ZNF84: variants seen among roughly 807,000 people sequenced by gnomAD.
ZNF84 encodes zinc finger protein HPF2.
Under a neutral mutation model 14.8 loss-of-function variants are expected in ZNF84, and 12 were observed. The observed-to-expected ratio is 0.81, with a 90% confidence interval of 0.52 to 1.31. The LOEUF is 1.31. Ranked by LOEUF, ZNF84 falls within the 50% of genes most tolerant of loss-of-function variation. The probability of loss-of-function intolerance (pLI) is 0.00; values close to 1 mark genes in which losing one functional copy is unlikely to be tolerated. For synonymous variants in ZNF84, 347 were observed against 291.1 expected, an observed-to-expected ratio of 1.19 and a Z score of -1.96; for missense variants, 859 against 878.6, an observed-to-expected ratio of 0.98 and a Z score of 0.28.
intron 4 of ZNF84, among the ~76,000 whole-genome samples, chr12:133,050,173 A>T (rs1259890287): frequency 6.6e-6 from 1 of 152,330 alleles, no homozygotes; most frequent in East Asian, 1.9e-4. Flanking sequence ...TGCTGGGGGC[A>T]TTAATGCCAG....
Position 133,058,417 on chromosome 12 carries a change from G to A in ZNF84, c.1702G>A (p.Glu568Lys), listed in dbSNP as rs1954199747. The A allele has an allele frequency of 1.9e-6, 3 of 1,613,926 alleles. No homozygotes were observed. The highest frequency in any genetic ancestry group is 1.3e-5 in the African/African-American group (1 of 74,878). ...LATHQRTHTG[E>K]KPYECRDCEK... ...AACTCATCAGAGAACTCATACTGGA[G>A]AAAAACCGTATGAATGCAGGGACTG... Residue 568 changes from glutamate to lysine, a missense_variant, in exon 5 of 5, where the codon GAA (glutamate) becomes AAA (lysine). Coordinates refer to ENST00000539354, the MANE Select transcript of ZNF84 (RefSeq NM_001289971.2).
At chr12:133,039,768 A>G (rs1953853692) in intron 1 of ZNF84, among the ~76,000 whole-genome samples, 1 of 152,198 alleles carries the variant, frequency 6.6e-6, no homozygotes, top group Non-Finnish European at 1.5e-5. Context: ...CTTTGAAGGC[A>G]AGAAAGGAGG....
chr12:133,053,739 T>G (rs1348784157), intron 4 of ZNF84, among the ~76,000 whole-genome samples: 2 of 152,084 alleles, frequency 1.3e-5, no homozygotes, highest in Admixed American at 6.5e-5. Flanking sequence ...CAATACCCTG[T>G]CTCAAAAAAC....
At chr12:133,043,809 A>T (rs925497650) in intron 2 of ZNF84, among the ~76,000 whole-genome samples, 11 of 152,106 alleles carry the variant, frequency 7.2e-5, no homozygotes, top group Admixed American at 3.3e-4. Flanking sequence ...GCTGGAGTGC[A>T]GTGGCACAGT....
rs601679 is a variant in ZNF84, at chr12:133,059,027, T to A, written c.*95T>A. On this transcript the variant is annotated 3_prime_UTR_variant, in exon 5 of 5. Coordinates refer to ENST00000539354, the MANE Select transcript of ZNF84 (RefSeq NM_001289971.2). ...TAGACAGTCACGTCATGTTAGGTGT[T>A]TGTACTCCATGAGGATGAGAACTCT... 8.2e-7 allele frequency: 1 copy of A among 1,217,186 alleles called. No homozygotes were observed. The highest frequency in any genetic ancestry group is 1.5e-5 in the African/African-American group (1 of 66,184). 75.4% of individuals were successfully genotyped at this position (1,217,186 alleles called of 1,614,324 possible).
intron 1 of ZNF84, chr12:133,037,753 C>T (rs9668817): frequency 0.45 from 68,584 of 152,128 alleles, 16,079 homozygotes; most frequent in African/African-American, 0.57. Context: ...GGGGCGGGCA[C>T]GGCCTTTCCG....
chr12:133,045,135 G>C (rs1025285051), intron 2 of ZNF84, among the ~76,000 whole-genome samples: 3 of 151,890 alleles, frequency 2.0e-5, no homozygotes, highest in Non-Finnish European at 4.4e-5. Context: ...TGACATTTTT[G>C]GTCAATTCCT....
chr12:133,039,413 C>T (rs1364061987), intron 1 of ZNF84, among the ~76,000 whole-genome samples: 1 of 152,262 alleles, frequency 6.6e-6, no homozygotes, highest in East Asian at 1.9e-4. Context: ...GCACAAATGA[C>T]AATATGACTT....
At chr12:133,041,063 A>G (rs1953878098) in intron 1 of ZNF84, 3 of 197,152 alleles carry the variant, frequency 1.5e-5, no homozygotes, top group African/African-American at 2.3e-5. Context: ...GAATCTCACA[A>G]TTACTTTATT....
chr12:133,043,141 G>T (rs1335929932), intron 2 of ZNF84, among the ~76,000 whole-genome samples: 2 of 152,078 alleles, frequency 1.3e-5, no homozygotes, highest in Admixed American at 1.3e-4. Context: ...CACTGCAATT[G>T]CAACTGCAGT....
intron 4 of ZNF84, among the ~76,000 whole-genome samples, chr12:133,049,299 AT>A (rs1954035789): frequency 6.6e-6 from 1 of 151,724 alleles, no homozygotes; most frequent in Non-Finnish European, 1.5e-5. Flanking sequence ...AAGCATCTTG[AT>A]TTTGTCTTCA....
chr12:133,042,681 C>A (rs1166065036), intron 2 of ZNF84, among the ~76,000 whole-genome samples: 12 of 152,188 alleles, frequency 7.9e-5, no homozygotes, highest in Admixed American at 6.5e-4. Flanking sequence ...ATGAACCTTA[C>A]GGCATTTTTC....
At chr12:133,056,379 G>A (rs778747088) in intron 4 of ZNF84, among the ~76,000 whole-genome samples, 248 of 152,006 alleles carry the variant, frequency 1.6e-3, no homozygotes, top group Middle Eastern at 6.8e-3. Context: ...TCAGCCTCCT[G>A]AGTAGCTGGG....
Position 133,041,460 on chromosome 12 carries a change from A to G in ZNF84, c.-8A>G. 1.9e-6 allele frequency: 3 copies of G among 1,614,196 alleles called. No homozygotes were observed. Among genetic ancestry groups the G allele is most frequent in the African/African-American group, 1.3e-5 (1 of 75,072 alleles). On this transcript the variant is annotated 5_prime_UTR_variant, in exon 2 of 5. Transcript: ENST00000539354. ...AGCCTTGCTGATCATCTCGTACAGC[A>G]GCAGAAAATGACCATGTTACAGGTG... is the stretch of plus-strand genomic sequence containing the variant.
intron 2 of ZNF84, among the ~76,000 whole-genome samples, chr12:133,046,967 TA>T (rs1210768856): frequency 2.6e-5 from 3 of 114,020 alleles, no homozygotes; most frequent in South Asian, 2.9e-4. Context: ...TTATGTATTA[TA>T]TTATTTATAT....
chr12:133,052,329 C>A (rs1375276510), intron 4 of ZNF84, among the ~76,000 whole-genome samples: 12 of 152,080 alleles, frequency 7.9e-5, no homozygotes, highest in Non-Finnish European at 1.3e-4. Flanking sequence ...GAGAAGAGAT[C>A]TCTTGTGGGG....
chr12:133,059,841 TTTAAC>T lies in ZNF84; in HGVS notation c.*913_*917del, dbSNP rs1954227679. On this transcript the variant is annotated 3_prime_UTR_variant, in exon 5 of 5. Coordinates refer to ENST00000539354, the MANE Select transcript of ZNF84 (RefSeq NM_001289971.2). Reference sequence around the variant, plus strand: ...GTACCTTAAGTGATAACCCGTTTCTTTTAACTTATAGACATACATAAGGGGTCTTT... The same window carrying T: ...GTACCTTAAGTGATAACCCGTTTCTTTTATAGACATACATAAGGGGTCTTT... The T allele has an allele frequency of 3.3e-5, 5 of 152,334 alleles. No homozygotes were observed. The East Asian group carries it at 5.8e-4, about 18-fold the overall frequency. The allele number at this position is 152,334 out of a possible 1,614,324, so 9.4% of individuals were successfully genotyped here. A position where few individuals can be genotyped will look rare whatever the true frequency, so the allele number is the denominator to read the frequency against.
At chr12:133,046,537 T>C (rs1382702874) in intron 2 of ZNF84, among the ~76,000 whole-genome samples, 1 of 152,058 alleles carries the variant, frequency 6.6e-6, no homozygotes, top group Non-Finnish European at 1.5e-5. Flanking sequence ...TTATCCACAC[T>C]GTGCTCTCCT....
At position 133,057,652 on chromosome 12, in the gene ZNF84, C is replaced by T; in HGVS notation, c.937C>T (p.His313Tyr). 6.2e-7 allele frequency: 1 copy of T among 1,614,114 alleles called. No homozygotes were observed. The highest frequency in any genetic ancestry group is 8.5e-7 in the Non-Finnish European group (1 of 1,180,036). The change falls in exon 5 of 5, where the codon CAC becomes TAC. Residue 313 changes from histidine to tyrosine, a missense_variant. Transcript: ENST00000539354. ...KSHLISHWRTHTGEKPYGCNE... is the reference protein window; with the variant it reads ...KSHLISHWRTYTGEKPYGCNE... Reference sequence around the variant, plus strand: ...ACATCTCATATCGCATTGGAGAACACACACAGGAGAGAAACCCTATGGATG... The same window carrying T: ...ACATCTCATATCGCATTGGAGAACATACACAGGAGAGAAACCCTATGGATG...
Sources: allele counts gnomAD v4.1 joint callset (sites outside exome capture counted in the v4.1 genomes callset), GRCh38; gene constraint gnomAD v4.1.1; transcripts MANE v1.5; gene names NCBI Gene and HGNC (gene_info 2026-07-23, HGNC 2026-07-21).